DYM: variants seen among roughly 807,000 people sequenced by gnomAD.
The protein encoded by DYM is dyggve-Melchior-Clausen syndrome protein.
In DYM, 78 loss-of-function variants were observed where a neutral mutation model predicts 93.1. The observed-to-expected ratio is 0.84, with a 90% CI of 0.70 to 1.01. The LOEUF is 1.01. DYM is among the 50% of genes least tolerant of loss of function. The pLI is 0.00. For synonymous variants in DYM, 321 were observed against 319.7 expected (o/e 1.00, Z -0.04); for missense variants, 789 against 845.0 (o/e 0.93, Z 0.82).
chr18:49,437,693 G>A (rs537226109), intron 1 of DYM, among the ~76,000 whole-genome samples: 6 of 152,162 alleles, frequency 3.9e-5, no homozygotes, highest in East Asian at 1.9e-4. Context: ...CACCAGCAAC[G>A]CCTATTTCTC....
chr18:49,098,892 T>A (rs535718209), intron 16 of DYM, among the ~76,000 whole-genome samples: 1 of 152,346 alleles, frequency 6.6e-6, no homozygotes, highest in East Asian at 1.9e-4. Flanking sequence ...AATCCTATTT[T>A]TAAAATATGC....
At chr18:49,279,423 A>G (rs1428266485) in intron 10 of DYM, among the ~76,000 whole-genome samples, 1 of 152,226 alleles carries the variant, frequency 6.6e-6, no homozygotes, top group African/African-American at 2.4e-5. Flanking sequence ...CTGATAACAT[A>G]TTTTCTAATC....
chr18:49,366,400 T>G (rs1266551206), intron 5 of DYM, among the ~76,000 whole-genome samples: 1 of 152,220 alleles, frequency 6.6e-6, no homozygotes, highest in Non-Finnish European at 1.5e-5. Context: ...TAAACTGAGG[T>G]TCTTTGAGCA....
chr18:49,292,426 A>C (rs1428946979), intron 8 of DYM, among the ~76,000 whole-genome samples: 1 of 149,142 alleles, frequency 6.7e-6, no homozygotes, highest in Non-Finnish European at 1.5e-5. Context: ...TTTTTCTGGT[A>C]AACAGTACTG....
chr18:49,097,133 G>T (rs2079614280), intron 17 of DYM: 23 of 515,692 alleles, frequency 4.5e-5, no homozygotes, highest in South Asian at 4.4e-4. Context: ...GGCCGAATTT[G>T]TTTCACTGGG....
intron 14 of DYM, among the ~76,000 whole-genome samples, chr18:49,193,990 A>G (rs557245375): frequency 2.0e-5 from 3 of 152,170 alleles, no homozygotes; most frequent in Non-Finnish European, 4.4e-5. Flanking sequence ...GATTTACATC[A>G]CTGTCTATTT....
At chr18:49,135,829 G>T (rs2083792417) in intron 15 of DYM, among the ~76,000 whole-genome samples, 1 of 152,314 alleles carries the variant, frequency 6.6e-6, no homozygotes, top group South Asian at 2.1e-4. Flanking sequence ...AATCTCCTGA[G>T]AAAATATTAT....
intron 17 of DYM, among the ~76,000 whole-genome samples, chr18:49,084,922 TAGTTCCAGAGGGTATATTGGG>T (rs1301306552): frequency 1.3e-5 from 2 of 152,198 alleles, no homozygotes; most frequent in Non-Finnish European, 2.9e-5. Context: ...GGACAGTTTT[TAGTTCCAGAGGGTATATTGGG>T]ACTTCTGGGC....
intron 8 of DYM, among the ~76,000 whole-genome samples, chr18:49,328,744 T>C (rs370650378): frequency 9.2e-5 from 14 of 152,132 alleles, no homozygotes; most frequent in Admixed American, 9.2e-4. Flanking sequence ...TACCATCTCA[T>C]ACCAGTTAGA....
chr18:49,272,688 G>C (rs1182126381), intron 10 of DYM, among the ~76,000 whole-genome samples: 1 of 152,078 alleles, frequency 6.6e-6, no homozygotes. Flanking sequence ...TATGTGCTTA[G>C]CACCACCTTT....
At chr18:49,450,030 A>G (rs1249520061) in intron 1 of DYM, among the ~76,000 whole-genome samples, 2 of 152,246 alleles carry the variant, frequency 1.3e-5, no homozygotes, top group African/African-American at 2.4e-5. Flanking sequence ...GTAAAAGATT[A>G]TAAGAAAGCA....
intron 2 of DYM, among the ~76,000 whole-genome samples, chr18:49,421,916 T>G (rs562831194): frequency 6.6e-6 from 1 of 152,016 alleles, no homozygotes; most frequent in African/African-American, 2.4e-5. Flanking sequence ...TGATTGAAGA[T>G]CAAATGAATG....
Position 49,040,787 on chromosome 18 carries a change from T to C in DYM, c.*3268A>G, listed in dbSNP as rs1335830796. 6.6e-6 allele frequency among the ~76,000 whole-genome samples: 1 copy of C among 152,192 alleles called. No individual in the cohort carries two copies. The highest frequency in any genetic ancestry group is 1.5e-5 in the Non-Finnish European group (1 of 68,042). On this transcript the variant is annotated 3_prime_UTR_variant, in exon 18 of 18. Coordinates refer to ENST00000675505, the MANE Select transcript of DYM (RefSeq NM_001353214.3). ...GCAAAAAAGCACAGGGTGACTCAAT[T>C]ATGCAGAGAGCTCTACCACCCAATG...
chr18:49,076,414 C>A (rs2077313578), intron 17 of DYM, among the ~76,000 whole-genome samples: 1 of 152,186 alleles, frequency 6.6e-6, no homozygotes, highest in African/African-American at 2.4e-5. Flanking sequence ...TAATTCACAA[C>A]ACCAATGTAA....
intron 2 of DYM, among the ~76,000 whole-genome samples, chr18:49,417,518 C>A (rs944270513): frequency 6.6e-6 from 1 of 151,716 alleles, no homozygotes. Flanking sequence ...AATGGTAAAA[C>A]CCAAATGGTA....
At chr18:49,411,451 G>A (rs2072235932) in intron 2 of DYM, among the ~76,000 whole-genome samples, 1 of 151,948 alleles carries the variant, frequency 6.6e-6, no homozygotes, top group Non-Finnish European at 1.5e-5. Context: ...CTATAGTGTG[G>A]TCGGGAAGCT....
chr18:49,150,337 A>G (rs1469156319), intron 15 of DYM, among the ~76,000 whole-genome samples: 1 of 152,146 alleles, frequency 6.6e-6, no homozygotes, highest in Non-Finnish European at 1.5e-5. Context: ...GTGTAATGAT[A>G]TTTGGAGAGG....
At chr18:49,205,695 T>C (rs2092439015) in intron 14 of DYM, among the ~76,000 whole-genome samples, 1 of 152,122 alleles carries the variant, frequency 6.6e-6, no homozygotes, top group Non-Finnish European at 1.5e-5. Context: ...GGGGAGTCAA[T>C]GACAGGTGTT....
chr18:49,347,774 C>T (rs2064726477), intron 6 of DYM, among the ~76,000 whole-genome samples: 1 of 152,140 alleles, frequency 6.6e-6, no homozygotes, highest in African/African-American at 2.4e-5. Context: ...GCCAGAGAGG[C>T]CAATACTTGA....
Sources: allele counts gnomAD v4.1 joint callset (sites outside exome capture counted in the v4.1 genomes callset), GRCh38; gene constraint gnomAD v4.1.1; transcripts MANE v1.5; gene names NCBI Gene and HGNC (gene_info 2026-07-23, HGNC 2026-07-21).